EEPD1: variants seen among roughly 807,000 people sequenced by gnomAD.
The protein encoded by EEPD1 is endonuclease/exonuclease/phosphatase family domain-containing protein 1.
Under a neutral mutation model 46.3 loss-of-function variants are expected in EEPD1, and 17 were observed. The ratio of observed to expected loss-of-function variants is 0.37; its 90% CI spans 0.25 to 0.55. The LOEUF (loss-of-function observed/expected upper bound fraction) is 0.55, where lower values mean the gene tolerates loss of function less well. Among genes scored for constraint, EEPD1 ranks in the 20% least tolerant of loss-of-function variants. EEPD1 has a pLI of 0.83. For synonymous variants in EEPD1, 313 were observed against 315.6 expected, an observed-to-expected ratio of 0.99 and a Z score of 0.09; for missense variants, 673 against 745.6, an observed-to-expected ratio of 0.90 and a Z score of 1.13.
At chr7:36,167,930 G>A (rs912959429) in intron 2 of EEPD1, among the ~76,000 whole-genome samples, 2 of 152,106 alleles carry the variant, frequency 1.3e-5, no homozygotes, top group Non-Finnish European at 2.9e-5. Flanking sequence ...GGCCAGGCTG[G>A]TCCCATAGTG....
chr7:36,162,424 A>C (rs887415421), intron 2 of EEPD1, among the ~76,000 whole-genome samples: 2 of 152,228 alleles, frequency 1.3e-5, no homozygotes, highest in African/African-American at 4.8e-5. Context: ...TGGGTGGATC[A>C]CTTGAGCCCA....
At chr7:36,175,400 T>G (rs1238790209) in intron 2 of EEPD1, among the ~76,000 whole-genome samples, 1 of 151,974 alleles carries the variant, frequency 6.6e-6, no homozygotes, top group Non-Finnish European at 1.5e-5. Flanking sequence ...CTGACTAATT[T>G]TTAAATTTTT....
intron 2 of EEPD1, among the ~76,000 whole-genome samples, chr7:36,159,621 T>G (rs1316580689): frequency 6.6e-6 from 1 of 152,240 alleles, no homozygotes; most frequent in African/African-American, 2.4e-5. Context: ...CTGCTGCCTC[T>G]GACTCCCAGC....
chr7:36,222,033 A>T (rs1372892129), intron 2 of EEPD1, among the ~76,000 whole-genome samples: 1 of 152,166 alleles, frequency 6.6e-6, no homozygotes, highest in Non-Finnish European at 1.5e-5. Context: ...CATTTATTTT[A>T]TATTGTATTC....
intron 2 of EEPD1, among the ~76,000 whole-genome samples, chr7:36,211,636 CT>C (rs1785935431): frequency 6.6e-6 from 1 of 152,004 alleles, no homozygotes; most frequent in South Asian, 2.1e-4. Context: ...TAAAAATTAC[CT>C]TTTGTGGCTG....
Position 36,299,817 on chromosome 7 carries a change from G to A in EEPD1, c.*611G>A, listed in dbSNP as rs2241143. ...AACGCGCAGTGTGTATTTGCACCAC[G>A]GCAGGTGCCTCTGTGTGGAGCTAGG... On this transcript the variant is annotated 3_prime_UTR_variant, in exon 8 of 8. Transcript: ENST00000242108. The A allele has an allele frequency of 0.4, 51,095 of 127,166 alleles. 10,069 individuals carry two copies. The highest frequency in any genetic ancestry group is 0.57 in the Middle Eastern group (135 of 238). The allele number at this position is 127,166 out of a possible 1,614,324, so 7.9% of individuals were successfully genotyped here. A position where few individuals can be genotyped will look rare whatever the true frequency, so the allele number is the denominator to read the frequency against.
intron 3 of EEPD1, among the ~76,000 whole-genome samples, chr7:36,279,639 G>C (rs941634523): frequency 1.8e-4 from 27 of 152,372 alleles, no homozygotes; most frequent in African/African-American, 6.5e-4. Context: ...ACACCGCCAG[G>C]ATCTGGGGCA....
chr7:36,245,831 C>T (rs1786631593), intron 3 of EEPD1, among the ~76,000 whole-genome samples: 1 of 152,186 alleles, frequency 6.6e-6, no homozygotes, highest in Non-Finnish European at 1.5e-5. Flanking sequence ...AGAGCAAGAA[C>T]TTGCTGTAAG....
At chr7:36,231,325 G>A (rs745494298) in intron 2 of EEPD1, among the ~76,000 whole-genome samples, 2 of 152,162 alleles carry the variant, frequency 1.3e-5, no homozygotes, top group Non-Finnish European at 2.9e-5. Context: ...TTCAGAACTT[G>A]CCCTTCAAGC....
chr7:36,163,883 GAAAA>G (rs11411037), intron 2 of EEPD1, among the ~76,000 whole-genome samples: 1 of 111,084 alleles, frequency 9.0e-6, no homozygotes, highest in Non-Finnish European at 1.9e-5. Flanking sequence ...ATCTCAGGAA[GAAAA>G]AAAAAAAAAA....
chr7:36,234,215 G>A (rs1292761437), intron 2 of EEPD1, among the ~76,000 whole-genome samples: 2 of 152,188 alleles, frequency 1.3e-5, no homozygotes, highest in African/African-American at 2.4e-5. Context: ...CACTGTGCCC[G>A]GCCTGATTTG....
intron 2 of EEPD1, among the ~76,000 whole-genome samples, chr7:36,195,490 T>C (rs2726101): frequency 0.77 from 117,605 of 152,182 alleles, 45,839 homozygotes; most frequent in East Asian, 0.88. Flanking sequence ...TTTCTAGCAA[T>C]TTTGCAATTT....
intron 3 of EEPD1, among the ~76,000 whole-genome samples, chr7:36,243,378 A>G (rs1277007160): frequency 6.6e-6 from 1 of 151,028 alleles, no homozygotes; most frequent in Non-Finnish European, 1.5e-5. Context: ...CCCAGTTTTT[A>G]TTTTTAGTTC....
chr7:36,193,267 A>G lies in EEPD1; in HGVS notation c.878+38065A>G, dbSNP rs1365458562. On this transcript the variant is annotated intron_variant, in intron 2 of 7. Coordinates refer to ENST00000242108, the MANE Select transcript of EEPD1 (RefSeq NM_030636.3). The surrounding 1 kb of genome is among the most constrained non-coding windows in gnomAD (Gnocchi z 4.9). ...CAAGGTGGAAGTGCCAACCAGCAGA[A>G]GTTAGATGGAGAAGAGGCCCAGAGA... 6.6e-6 allele frequency among the ~76,000 whole-genome samples: 1 copy of G among 152,008 alleles called. No homozygotes were observed. The highest frequency in any genetic ancestry group is 1.5e-5 in the Non-Finnish European group (1 of 67,976).
At chr7:36,182,587 C>T (rs1052202957) in intron 2 of EEPD1, among the ~76,000 whole-genome samples, 1 of 152,284 alleles carries the variant, frequency 6.6e-6, no homozygotes, top group Non-Finnish European at 1.5e-5. Flanking sequence ...CACCAAACCA[C>T]TCGCCAGCGT....
intron 2 of EEPD1, among the ~76,000 whole-genome samples, chr7:36,227,711 G>A (rs1020160411): frequency 2.6e-5 from 4 of 151,962 alleles, no homozygotes; most frequent in Non-Finnish European, 5.9e-5. Flanking sequence ...GTTTCGAGAC[G>A]GGAGTTTTGC....
intron 3 of EEPD1, among the ~76,000 whole-genome samples, chr7:36,269,973 C>T (rs1170837902): frequency 6.6e-6 from 1 of 152,178 alleles, no homozygotes; most frequent in African/African-American, 2.4e-5. Context: ...GTTCCTCCAG[C>T]CAATGAAAGC....
intron 2 of EEPD1, among the ~76,000 whole-genome samples, chr7:36,197,636 A>G (rs1479359184): frequency 6.6e-6 from 1 of 152,170 alleles, no homozygotes; most frequent in Non-Finnish European, 1.5e-5. Flanking sequence ...GCTCTCTGAA[A>G]CATGTGCTGT....
At chr7:36,191,569 G>C (rs1457897153) in intron 2 of EEPD1, among the ~76,000 whole-genome samples, 1 of 152,216 alleles carries the variant, frequency 6.6e-6, no homozygotes, top group African/African-American at 2.4e-5. Context: ...ACCAAAGGTG[G>C]GACTGGCTGG....
Sources: allele counts gnomAD v4.1 joint callset (sites outside exome capture counted in the v4.1 genomes callset), GRCh38; gene constraint gnomAD v4.1.1; non-coding constraint Gnocchi (gnomAD v3.1); transcripts MANE v1.5; gene names NCBI Gene and HGNC (gene_info 2026-07-23, HGNC 2026-07-21).